Variants in POLR1B observed in about 807,000 individuals in gnomAD.
POLR1B encodes the protein DNA-directed RNA polymerase I subunit RPA2.
A neutral mutation model predicts 105.8 loss-of-function variants in POLR1B; 30 were observed. The observed-to-expected ratio is 0.28, with a 90% confidence interval of 0.21 to 0.38. POLR1B has a LOEUF of 0.38. Among genes scored for constraint, POLR1B ranks in the 10% least tolerant of loss-of-function variants. POLR1B has a pLI of 1.00. For missense variants in POLR1B, 976 were observed against 1,435.8 expected (o/e 0.68, Z 5.17); for synonymous variants, 485 against 505.1 (o/e 0.96, Z 0.53).
chr2:112,565,436 AG>A (rs1238534901), intron 10 of POLR1B, among the ~76,000 whole-genome samples: 3 of 152,228 alleles, frequency 2.0e-5, no homozygotes, highest in Non-Finnish European at 2.9e-5. Context: ...TCTAAGAACA[AG>A]GACTTTCTCT....
In POLR1B at chr2:112,572,604, G is replaced by A. The variant is rs1684650744; in HGVS notation, c.2117G>A (p.Arg706Gln). 1.2e-6 allele frequency: 2 copies of A among 1,609,080 alleles called. No individual in the cohort carries two copies. Among genetic ancestry groups the A allele is most frequent in the Non-Finnish European group, 1.7e-6 (2 of 1,177,762 alleles). Residue 706 changes from arginine (R) to glutamine (Q), a missense_variant, in exon 13 of 15, where the codon CGA becomes CAA. Coordinates refer to ENST00000263331, the MANE Select transcript of POLR1B (RefSeq NM_019014.6). The part of the protein sequence containing the change: ...MGFPLLTYQD[R>Q]SDNKLYRLQT... ...TTTCCACTTCTCACTTATCAAGACC[G>A]ATCGGATAACAAACTGTATCGTCTT...
At chr2:112,564,617 A>G (rs1167916781) in intron 10 of POLR1B, 118 bp downstream of exon 10, 4 of 1,334,184 alleles carry the variant, frequency 3.0e-6, no homozygotes, top group East Asian at 4.6e-5. Flanking sequence ...GGGGGTCACA[A>G]TGTCCAGAAT....
Position 112,549,286 on chromosome 2 carries a change from T to C in POLR1B, c.512T>C (p.Ile171Thr). Reference sequence around the variant, plus strand: ...TGGCAGGAAATGGGGGGCTATTTTATAATCAATGGCATTGAAAAAGTCATC... The same window carrying C: ...TGGCAGGAAATGGGGGGCTATTTTACAATCAATGGCATTGAAAAAGTCATC... Reference protein sequence around the residue: ...EEAEEMGGYFIINGIEKVIRM... With the variant: ...EEAEEMGGYFTINGIEKVIRM... Residue 171 changes from isoleucine to threonine, a missense_variant, in exon 4 of 15, where the codon ATA (isoleucine) becomes ACA (threonine). Coordinates refer to ENST00000263331, the MANE Select transcript of POLR1B (RefSeq NM_019014.6). The C allele has an allele frequency of 6.2e-7, 1 of 1,613,330 alleles. No individual in the cohort carries two copies.
In POLR1B at chr2:112,577,898, T is replaced by G. The variant is rs187516347; in HGVS notation, c.*2169T>G. Among the ~76,000 whole-genome samples, 4 of 151,486 alleles carry G rather than the reference T, an allele frequency of 2.6e-5. No individual in the cohort carries two copies. The East Asian group carries it at 7.7e-4, about 29-fold the overall frequency. On this transcript the variant is annotated 3_prime_UTR_variant, in exon 15 of 15. Coordinates refer to ENST00000263331, the MANE Select transcript of POLR1B (RefSeq NM_019014.6). ...ACCAATTTAATAGAAAAGATAGGCT[T>G]TGCTTCAGGAAGCTGGTTGAGAAGA...
chr2:112,545,069 C>G (rs1682965109), intron 1 of POLR1B, among the ~76,000 whole-genome samples: 1 of 152,172 alleles, frequency 6.6e-6, no homozygotes, highest in Non-Finnish European at 1.5e-5. Flanking sequence ...TCTTCACTAT[C>G]TATTTAGTGC....
chr2:112,568,697 T>A, intron 11 of POLR1B, 49 bp from the exon 12 acceptor site: 2 of 1,588,576 alleles, frequency 1.3e-6, no homozygotes, highest in Non-Finnish European at 1.7e-6. Context: ...TAAGAGTAAA[T>A]GTGTAACCAG....
intron 7 of POLR1B, among the ~76,000 whole-genome samples, chr2:112,555,353 A>G (rs1000760475): frequency 6.6e-5 from 10 of 152,114 alleles, no homozygotes; most frequent in Non-Finnish European, 1.3e-4. Flanking sequence ...AGAAAAAAGA[A>G]AAAAACACCT....
At chr2:112,549,049 C>T (rs1336787929) in intron 3 of POLR1B, among the ~76,000 whole-genome samples, 1 of 152,124 alleles carries the variant, frequency 6.6e-6, no homozygotes, top group African/African-American at 2.4e-5. Context: ...TTCTTCCATA[C>T]TTTTTTCCCA....
chr2:112,568,039 T>G lies in POLR1B; in HGVS notation c.1819T>G (p.Tyr607Asp), dbSNP rs1405166171. Reference protein sequence around the residue: ...LIPMTGKPSLYPGLFLFTTPC... With the variant: ...LIPMTGKPSLDPGLFLFTTPC... ...ACCCATGACAGGAAAACCAAGTCTG[T>G]ACCCAGGATTGTTCCTTTTTACCAC... Residue 607 changes from tyrosine (Y) to aspartate (D), a missense_variant, in exon 11 of 15, where the codon TAC (tyrosine) becomes GAC (aspartate). This residue lies in a region of POLR1B where 184 missense variants were observed against 197.4 expected (regional missense o/e 0.93). Transcript: ENST00000263331. The G allele has an allele frequency of 2.5e-6, 4 of 1,613,976 alleles. No homozygotes were observed. Among genetic ancestry groups the G allele is most frequent in the Non-Finnish European group, 3.4e-6 (4 of 1,179,930 alleles).
intron 12 of POLR1B, among the ~76,000 whole-genome samples, chr2:112,570,466 A>G (rs3980078): frequency 0.79 from 120,856 of 152,170 alleles, 48,223 homozygotes; most frequent in Middle Eastern, 0.88. Flanking sequence ...GAAGTGAGTC[A>G]TATGTGATTT....
At chr2:112,555,732 A>T (rs1683625155) in intron 7 of POLR1B, among the ~76,000 whole-genome samples, 1 of 152,190 alleles carries the variant, frequency 6.6e-6, no homozygotes, top group Admixed American at 6.6e-5. Flanking sequence ...CCAAGGGAAA[A>T]TTGGGGCTTT....
rs909292262 is a variant in POLR1B at position 112,561,543 on chromosome 2, C to T, written c.1612+1969C>T. ...TTAAAGTTACCAGTGAATATTGAAC[C>T]ATTGTGCCTAGGGGAAATACAGGGT... On this transcript the variant is annotated intron_variant, in intron 9 of 14. Transcript: ENST00000263331. 1.4e-4 allele frequency among the ~76,000 whole-genome samples: 21 copies of T among 151,892 alleles called. 1 individual carries two copies. Among genetic ancestry groups the T allele is most frequent in the Non-Finnish European group, 2.2e-4 (15 of 67,994 alleles).
chr2:112,550,732 G>C, intron 4 of POLR1B, 134 bp from the exon 5 acceptor site: 1 of 853,656 alleles, frequency 1.2e-6, no homozygotes, highest in East Asian at 2.6e-5. Flanking sequence ...AAACATTTTT[G>C]ATTGCCAGTC....
rs372753867 is a variant in POLR1B, at chr2:112,549,409, G to A, written c.625+10G>A. 5.9e-6 allele frequency: 9 copies of A among 1,538,054 alleles called. No homozygotes were observed. The highest frequency in any genetic ancestry group is 7.9e-6 in the Non-Finnish European group (9 of 1,146,452). On this transcript the variant is annotated intron_variant, in intron 4 of 14. Coordinates refer to ENST00000263331, the MANE Select transcript of POLR1B (RefSeq NM_019014.6). The stretch of plus-strand genomic sequence containing the variant: ...GGTTATACTCAGTATGGTAAGTTCT[G>A]GAGATTATTAGAATATTTTTTAAGG...
rs971970386 is a variant in POLR1B at position 112,568,418 on chromosome 2, G to A, written c.1917+281G>A. ...CTTTGTACCTGGCTCTGCCTCAGCC[G>A]TGAAGTGAAAACATTCCATTAGATT... On this transcript the variant is annotated intron_variant, in intron 11 of 14. Coordinates refer to ENST00000263331, the MANE Select transcript of POLR1B (RefSeq NM_019014.6). Among the ~76,000 whole-genome samples, 20 of 152,276 alleles carry A rather than the reference G, an allele frequency of 1.3e-4. 1 individual carries two copies. Among genetic ancestry groups the A allele is most frequent in the South Asian group, 4.2e-4 (2 of 4,816 alleles).
chr2:112,571,282 C>T (rs1463243667), intron 12 of POLR1B, among the ~76,000 whole-genome samples: 1 of 152,072 alleles, frequency 6.6e-6, no homozygotes, highest in Non-Finnish European at 1.5e-5. Flanking sequence ...TTTGTATGCC[C>T]AGTAATATCG....
upstream of POLR1B, chr2:112,542,087 A>T (rs908319678): frequency 2.6e-6 from 4 of 1,533,804 alleles, no homozygotes; most frequent in Non-Finnish European, 1.7e-6. Context: ...GACTGGGAAC[A>T]GGTGAAGGGA....
intron 8 of POLR1B, among the ~76,000 whole-genome samples, chr2:112,558,474 G>A (rs1185444259): frequency 6.6e-6 from 1 of 152,120 alleles, no homozygotes; most frequent in African/African-American, 2.4e-5. Context: ...CAAGGTAGGA[G>A]GGTCACTTGA....
Position 112,577,869 on chromosome 2 carries a change from A to G in POLR1B, c.*2140A>G, listed in dbSNP as rs1317795720. On this transcript the variant is annotated 3_prime_UTR_variant, in exon 15 of 15. Coordinates refer to ENST00000263331, the MANE Select transcript of POLR1B (RefSeq NM_019014.6). The stretch of plus-strand genomic sequence containing the variant: ...AAAAAAAAAGCGGGGAGGCATAAGA[A>G]AAAACCAATTTAATAGAAAAGATAG... Among the ~76,000 whole-genome samples the G allele has an allele frequency of 1.3e-5, 2 of 152,024 alleles. No individual in the cohort carries two copies. Among genetic ancestry groups the G allele is most frequent in the Non-Finnish European group, 2.9e-5 (2 of 67,996 alleles).
Sources: allele counts gnomAD v4.1 joint callset (sites outside exome capture counted in the v4.1 genomes callset), GRCh38; gene constraint gnomAD v4.1.1; regional missense constraint gnomAD v4.1.1; transcripts MANE v1.5; gene names NCBI Gene and HGNC (gene_info 2026-07-23, HGNC 2026-07-21).